ETS1: variants seen among roughly 807,000 people sequenced by gnomAD.
The protein encoded by ETS1 is ETS proto-oncogene 1, transcription factor, also known as protein C-ets-1.
Under a neutral mutation model 58.6 loss-of-function variants are expected in ETS1, and 15 were observed. That is an observed-to-expected ratio of 0.26 (90% CI 0.17 to 0.39). ETS1 has a LOEUF of 0.39. Ranked by LOEUF, ETS1 falls within the 10% of genes least tolerant of loss-of-function variation. The pLI is 1.00. For synonymous variants in ETS1, 214 were observed against 218.2 expected (o/e 0.98, Z 0.17); for missense variants, 417 against 610.5 (o/e 0.68, Z 3.34).
intron 3 of ETS1, chr11:128,526,625 C>A (rs749908714): frequency 1.5e-5 from 4 of 259,230 alleles, no homozygotes; most frequent in Non-Finnish European, 3.1e-5. Flanking sequence ...ATTTAAAAAT[C>A]TCTTCAAGAC....
At chr11:128,465,599 G>A (rs900978112) in intron 8 of ETS1, among the ~76,000 whole-genome samples, 2 of 152,150 alleles carry the variant, frequency 1.3e-5, no homozygotes, top group Non-Finnish European at 2.9e-5. Flanking sequence ...CACAGAATAG[G>A]TTTCTTGGAG....
chr11:128,500,366 A>G (rs1269035069), intron 3 of ETS1, among the ~76,000 whole-genome samples: 2 of 152,260 alleles, frequency 1.3e-5, no homozygotes, highest in Non-Finnish European at 1.5e-5. Flanking sequence ...CAATTTTGAA[A>G]GGAAATTCTC....
intron 3 of ETS1, among the ~76,000 whole-genome samples, chr11:128,491,428 AC>A (rs1232913504): frequency 2.0e-5 from 3 of 152,246 alleles, no homozygotes; most frequent in African/African-American, 7.2e-5. Flanking sequence ...TTAATGTGCA[AC>A]AGGAATTCCT....
intron 1 of ETS1, among the ~76,000 whole-genome samples, chr11:128,585,045 AAAGAAAGAAAG>A (rs1591683550): frequency 9.9e-5 from 2 of 20,296 alleles, no homozygotes; most frequent in African/African-American, 4.4e-4. Context: ...AGAAAGAAAG[AAAGAAAGAAAG>A]AAAGAAAGAA....
intron 1 of ETS1, 149 bp from the exon 2 acceptor site, chr11:128,573,293 T>G (rs1864676142): frequency 1.6e-6 from 1 of 621,164 alleles, no homozygotes; most frequent in Admixed American, 2.5e-5. Context: ...CAATGGAAAT[T>G]CAGAAAGATC....
intron 3 of ETS1, among the ~76,000 whole-genome samples, chr11:128,499,097 C>T (rs1434388055): frequency 1.3e-5 from 2 of 152,174 alleles, no homozygotes; most frequent in African/African-American, 4.8e-5. Context: ...AAACTCCTGC[C>T]CTGCCTTCAC....
intron 3 of ETS1, among the ~76,000 whole-genome samples, chr11:128,551,514 A>T (rs185607313): frequency 9.5e-4 from 144 of 152,364 alleles, no homozygotes; most frequent in African/African-American, 3.1e-3. Flanking sequence ...TTTTAGTGAG[A>T]TCCAAAGCCA....
chr11:128,490,626 C>A (rs745413617), intron 3 of ETS1, 50 bp from the exon 4 acceptor site: 6 of 1,484,640 alleles, frequency 4.0e-6, no homozygotes, highest in South Asian at 1.1e-5. Flanking sequence ...AGGTAATGAA[C>A]CAATCATAAA....
intron 2 of ETS1, among the ~76,000 whole-genome samples, chr11:128,563,764 C>T (rs1330501907): frequency 2.0e-5 from 3 of 152,252 alleles, no homozygotes; most frequent in Non-Finnish European, 4.4e-5. Context: ...CCTGCTCCAA[C>T]AGTTTTGTCA....
intron 3 of ETS1, among the ~76,000 whole-genome samples, chr11:128,497,078 A>G (rs540814203): frequency 1.7e-4 from 26 of 152,314 alleles, no homozygotes; most frequent in African/African-American, 6.0e-4. Context: ...GAAACATACA[A>G]CTGGGTTTCT....
At chr11:128,466,417 T>C (rs550220304) in intron 8 of ETS1, among the ~76,000 whole-genome samples, 35 of 152,352 alleles carry the variant, frequency 2.3e-4, no homozygotes, top group Admixed American at 1.1e-3. Context: ...AGGAGCACAC[T>C]GCAGTCTCCT....
chr11:128,522,384 C>G, intron 3 of ETS1: 2 of 985,032 alleles, frequency 2.0e-6, no homozygotes, highest in Non-Finnish European at 2.4e-6. Context: ...GGCGCCGCGT[C>G]TCGGCCGCTG....
chr11:128,569,173 A>G (rs1204439160), intron 2 of ETS1, among the ~76,000 whole-genome samples: 1 of 152,030 alleles, frequency 6.6e-6, no homozygotes, highest in African/African-American at 2.4e-5. Context: ...TGCCAGGAGC[A>G]CCTCCTAAAT....
chr11:128,553,983 A>G (rs936901015), intron 3 of ETS1, among the ~76,000 whole-genome samples: 3 of 152,168 alleles, frequency 2.0e-5, no homozygotes, highest in African/African-American at 7.2e-5. Context: ...TATATTCAAC[A>G]CATCTCCAAG....
chr11:128,538,441 A>G lies in ETS1; in HGVS notation c.214+17850T>C, dbSNP rs192164088. 4.7e-3 allele frequency among the ~76,000 whole-genome samples: 713 copies of G among 152,254 alleles called. 4 individuals are homozygous for G. Among genetic ancestry groups the G allele is most frequent in the African/African-American group, 0.016 (653 of 41,550 alleles). On this transcript the variant is annotated intron_variant, in intron 3 of 9. Transcript: ENST00000392668. ...CTTTATGTTGCTTTTCCTGGTTACT[A>G]TTATTTCACATAACATGCCCAAGGA...
rs1019813940 is a variant in ETS1, at chr11:128,581,691, G to A, written c.-15+5797C>T. On this transcript the variant is annotated intron_variant, in intron 1 of 9. Coordinates refer to ENST00000392668, the MANE Select transcript of ETS1 (RefSeq NM_001143820.2). ...AAAGAAGGGCCACGAGATTAAAAACGTCAACTCTAATCCAATGAATGCTGC... is the reference window on the plus strand; with the variant it reads ...AAAGAAGGGCCACGAGATTAAAAACATCAACTCTAATCCAATGAATGCTGC... Among the ~76,000 whole-genome samples the A allele has an allele frequency of 5.9e-5, 9 of 152,114 alleles. 1 individual carries two copies. The South Asian group carries it at 6.2e-4, about 10-fold the overall frequency.
chr11:128,478,331 G>A (rs1167548930), intron 8 of ETS1, among the ~76,000 whole-genome samples: 1 of 44,288 alleles, frequency 2.3e-5, no homozygotes, highest in East Asian at 7.2e-4. Flanking sequence ...AAGAAGGAAG[G>A]AAGGAAGGAG....
At chr11:128,576,350 G>A (rs1471173807) in intron 1 of ETS1, among the ~76,000 whole-genome samples, 1 of 152,100 alleles carries the variant, frequency 6.6e-6, no homozygotes, top group Non-Finnish European at 1.5e-5. Context: ...TTTTAGTAGC[G>A]TTTGTTTTTT....
At position 128,585,124 on chromosome 11, in the gene ETS1, GAAGAAAGAAAGA is replaced by G. The variant is rs1555093080; in HGVS notation, c.-15+2352_-15+2363del. ...GAAAGGAAGGAAGGAAGGAAAGAAA[GAAGAAAGAAAGA>G]AAAGAAAGAAAGAAAGAAAGAAAGA... is the stretch of plus-strand genomic sequence containing the variant. On this transcript the variant is annotated intron_variant, in intron 1 of 9. Transcript: ENST00000392668. Among the ~76,000 whole-genome samples, 10 of 6,458 alleles carry G rather than the reference GAAGAAAGAAAGA, an allele frequency of 1.5e-3. 1 individual carries two copies. Among genetic ancestry groups the G allele is most frequent in the African/African-American group, 4.9e-3 (5 of 1,020 alleles). 4.2% of individuals were successfully genotyped at this position (6,458 alleles called of 152,430 possible). A position where few individuals can be genotyped will look rare whatever the true frequency, so the allele number is the denominator to read the frequency against.
Sources: gnomAD v4.1 joint callset for allele counts (sites outside exome capture counted in the v4.1 genomes callset) on GRCh38, gnomAD v4.1.1 for gene constraint, MANE v1.5 for transcripts, NCBI Gene and HGNC (gene_info 2026-07-23, HGNC 2026-07-21) for gene names.